TACC1: variants seen among roughly 807,000 people sequenced by gnomAD.
The protein encoded by TACC1 is transforming acidic coiled-coil containing protein 1.
A neutral mutation model predicts 84.4 loss-of-function variants in TACC1; 48 were observed. That is an observed-to-expected ratio of 0.57 (90% confidence interval 0.45 to 0.72). The LOEUF (loss-of-function observed/expected upper bound fraction) is 0.72, where lower values mean the gene tolerates loss of function less well. Among genes scored for constraint, TACC1 ranks in the 30% least tolerant of loss-of-function variants. TACC1 has a pLI of 0.00. For missense variants in TACC1, 920 were observed against 973.0 expected (o/e 0.95, Z 0.72); for synonymous variants, 372 against 376.3 (o/e 0.99, Z 0.13).
intron 5 of TACC1, chr8:38,827,910 A>G (rs942101996): frequency 3.2e-5 from 5 of 157,768 alleles, no homozygotes; most frequent in African/African-American, 1.2e-4. Context: ...TATTTTTAAC[A>G]AAGATTTCAC....
intron 2 of TACC1, among the ~76,000 whole-genome samples, chr8:38,808,782 A>G (rs1432374118): frequency 6.6e-6 from 1 of 152,186 alleles, no homozygotes; most frequent in Non-Finnish European, 1.5e-5. Flanking sequence ...GATAGTGTAA[A>G]TGCAAATAGA....
chr8:38,773,359 A>G (rs1814053066), intron 3 of TACC1, among the ~76,000 whole-genome samples: 1 of 150,058 alleles, frequency 6.7e-6, no homozygotes, highest in Non-Finnish European at 1.5e-5. Context: ...ATTGACATAA[A>G]TATTAATATG....
intron 2 of TACC1, among the ~76,000 whole-genome samples, chr8:38,815,715 G>A (rs1825287897): frequency 2.6e-5 from 4 of 151,990 alleles, no homozygotes; most frequent in Admixed American, 6.6e-5. Context: ...CACCGTGCCC[G>A]GCAATGTATA....
chr8:38,732,311 G>GT lies in TACC1; in HGVS notation c.-675+3650dup, dbSNP rs202020942. ...TAAAGCAAAAATATGTTTTTTTCTT[G>GT]TTTTTTTTTTCAATGCCATCTGCTG... On this transcript the variant is annotated intron_variant, in intron 1 of 14. Coordinates refer to the TACC1 transcript ENST00000518415. 1.0e-3 allele frequency among the ~76,000 whole-genome samples: 148 copies of GT among 147,438 alleles called. No homozygotes were observed. In the East Asian group the frequency reaches 0.017, roughly 17 times the overall value.
At chr8:38,832,788 G>A (rs950637052) in intron 6 of TACC1, among the ~76,000 whole-genome samples, 13 of 152,170 alleles carry the variant, frequency 8.5e-5, no homozygotes, top group Non-Finnish European at 1.3e-4. Flanking sequence ...GTTAGAGTAC[G>A]GCAGGGGCTG....
At chr8:38,846,957 C>A in intron 12 of TACC1, 138 bp downstream of exon 12, 3 of 1,031,716 alleles carry the variant, frequency 2.9e-6, no homozygotes, top group African/African-American at 1.6e-5. Flanking sequence ...CCTTTCTGAA[C>A]TGATCCAGGT....
At position 38,848,998 on chromosome 8, in the gene TACC1, T is replaced by A; in HGVS notation, c.*975T>A. 6.6e-6 allele frequency: 1 copy of A among 152,072 alleles called. No individual in the cohort carries two copies. Among genetic ancestry groups the A allele is most frequent in the East Asian group, 1.9e-4 (1 of 5,196 alleles). 9.4% of individuals were successfully genotyped at this position (152,072 alleles called of 1,614,324 possible). A position where few individuals can be genotyped will look rare whatever the true frequency, so the allele number is the denominator to read the frequency against. ...TTTTGAGACAGAGTTTCGATCTATT[T>A]TAAGTATGTGAAGAAAATCTACTTG... On this transcript the variant is annotated 3_prime_UTR_variant, in exon 13 of 13. Transcript: ENST00000317827.
In TACC1 at chr8:38,850,924, G is replaced by A. The variant is rs1833002034; in HGVS notation, c.*2901G>A. ...CTTTAGCTTTTGACTTTGCCAAAGTGTAGATAGCCTTTATCCAGCAGTATT... is the reference window on the plus strand; with the variant it reads ...CTTTAGCTTTTGACTTTGCCAAAGTATAGATAGCCTTTATCCAGCAGTATT... On this transcript the variant is annotated 3_prime_UTR_variant, in exon 13 of 13. Transcript: ENST00000317827. 6.6e-6 allele frequency: 1 copy of A among 152,610 alleles called. No homozygotes were observed. The highest frequency in any genetic ancestry group is 1.5e-5 in the Non-Finnish European group (1 of 68,056). The allele number at this position is 152,610 out of a possible 1,614,324, so 9.5% of individuals were successfully genotyped here.
chr8:38,733,350 G>A (rs1321407317), intron 1 of TACC1, among the ~76,000 whole-genome samples: 5 of 150,678 alleles, frequency 3.3e-5, no homozygotes, highest in Admixed American at 6.6e-5. Flanking sequence ...AGCACTTGAT[G>A]TTTAGCAAAC....
chr8:38,843,123 C>T (rs924304599), intron 10 of TACC1, among the ~76,000 whole-genome samples, 166 bp from the exon 11 acceptor site: 1 of 152,140 alleles, frequency 6.6e-6, no homozygotes, highest in African/African-American at 2.4e-5. Context: ...TGTAGAATTT[C>T]CTCAGTGAGA....
intron 9 of TACC1, chr8:38,840,527 T>G (rs907712964): frequency 6.7e-6 from 2 of 298,868 alleles, no homozygotes; most frequent in Non-Finnish European, 1.3e-5. Flanking sequence ...CAAATTCCCT[T>G]CCATGCCCAC....
chr8:38,824,048 T>C, intron 3 of TACC1: 1 of 1,351,758 alleles, frequency 7.4e-7, no homozygotes, highest in Non-Finnish European at 9.8e-7. Flanking sequence ...GCTGTTTCTT[T>C]AGTCCCTGGG....
chr8:38,843,257 C>G, intron 10 of TACC1, 32 bp from the exon 11 acceptor site: 1 of 1,448,444 alleles, frequency 6.9e-7, no homozygotes, highest in Non-Finnish European at 9.4e-7. Context: ...AACAAAATGA[C>G]CTGTTTATTT....
chr8:38,826,760 A>G (rs930145799), intron 4 of TACC1, among the ~76,000 whole-genome samples: 1 of 152,220 alleles, frequency 6.6e-6, no homozygotes, highest in Non-Finnish European at 1.5e-5. Flanking sequence ...AATATTTAGA[A>G]TATTCCAGAT....
intron 7 of TACC1, among the ~76,000 whole-genome samples, chr8:38,838,268 T>G (rs1317943303): frequency 6.6e-6 from 1 of 152,278 alleles, no homozygotes; most frequent in Non-Finnish European, 1.5e-5. Flanking sequence ...TCTACTCATC[T>G]TTATTCCCGT....
intron 5 of TACC1, 98 bp downstream of exon 5, chr8:38,827,473 G>T: frequency 7.8e-7 from 1 of 1,281,350 alleles, no homozygotes; most frequent in Non-Finnish European, 1.1e-6. Flanking sequence ...TAAAGAATTG[G>T]GTCACTTGAA....
intron 1 of TACC1, among the ~76,000 whole-genome samples, chr8:38,732,412 A>G (rs182596911): frequency 6.6e-6 from 1 of 152,166 alleles, no homozygotes; most frequent in East Asian, 1.9e-4. Flanking sequence ...AATATAGCTG[A>G]TTTAAAACAA....
chr8:38,818,458 A>G (rs1451091311), intron 2 of TACC1, among the ~76,000 whole-genome samples: 1 of 152,190 alleles, frequency 6.6e-6, no homozygotes, highest in African/African-American at 2.4e-5. Flanking sequence ...ACACCTTCCT[A>G]ATATTTGCAG....
chr8:38,851,857 C>G lies in TACC1; in HGVS notation c.*3834C>G, dbSNP rs1160252622. On this transcript the variant is annotated 3_prime_UTR_variant, in exon 13 of 13. Coordinates refer to ENST00000317827, the MANE Select transcript of TACC1 (RefSeq NM_006283.3). ...AGTCTGGGAATCCCAGAATGTCAAGCCAAAGGTCTAAGAAGTCATCTCCTT... is the reference window on the plus strand; with the variant it reads ...AGTCTGGGAATCCCAGAATGTCAAGGCAAAGGTCTAAGAAGTCATCTCCTT... The G allele has an allele frequency of 2.2e-6, 1 of 448,236 alleles. No homozygotes were observed. The highest frequency in any genetic ancestry group is 2.0e-5 in the African/African-American group (1 of 49,800). The allele number at this position is 448,236 out of a possible 1,614,324, so 27.8% of individuals were successfully genotyped here. A position where few individuals can be genotyped will look rare whatever the true frequency, so the allele number is the denominator to read the frequency against.
Sources: gnomAD v4.1 joint callset for allele counts (sites outside exome capture counted in the v4.1 genomes callset) on GRCh38, gnomAD v4.1.1 for gene constraint, MANE v1.5 for transcripts, NCBI Gene and HGNC (gene_info 2026-07-23, HGNC 2026-07-21) for gene names.